CNTNAP2: variants seen among roughly 807,000 people sequenced by gnomAD.
CNTNAP2 encodes contactin associated protein 2.
CNTNAP2 carries 98 observed loss-of-function variants against 155.2 expected under a neutral mutation model. The observed-to-expected ratio is 0.63, with a 90% CI of 0.54 to 0.75. CNTNAP2 has a LOEUF of 0.75. CNTNAP2 is among the 30% of genes least tolerant of loss of function. The pLI is 0.00. For synonymous variants in CNTNAP2, 651 were observed against 631.2 expected, an observed-to-expected ratio of 1.03 and a Z score of -0.47; for missense variants, 1,727 against 1,688.1, an observed-to-expected ratio of 1.02 and a Z score of -0.40.
At chr7:148,156,126 G>T (rs1805393496) in intron 17 of CNTNAP2, among the ~76,000 whole-genome samples, 1 of 152,238 alleles carries the variant, frequency 6.6e-6, no homozygotes, top group Middle Eastern at 3.2e-3. Flanking sequence ...CCTGCAGAGG[G>T]CCACTGTCAA....
intron 11 of CNTNAP2, among the ~76,000 whole-genome samples, chr7:147,543,908 C>T (rs1408114070): frequency 6.6e-6 from 1 of 152,094 alleles, no homozygotes; most frequent in Non-Finnish European, 1.5e-5. Context: ...GTTCAATTCA[C>T]CATATCTTTT....
intron 1 of CNTNAP2, among the ~76,000 whole-genome samples, chr7:146,615,762 G>A (rs1377665816): frequency 6.6e-6 from 1 of 152,134 alleles, no homozygotes; most frequent in African/African-American, 2.4e-5. Flanking sequence ...TTCCTTGGTG[G>A]GGAGAAACCT....
intron 9 of CNTNAP2, among the ~76,000 whole-genome samples, chr7:147,348,087 C>T (rs1451370170): frequency 2.0e-5 from 3 of 151,844 alleles, no homozygotes; most frequent in Non-Finnish European, 4.4e-5. Context: ...GAAGACATAG[C>T]GGAAATGCTT....
At chr7:146,848,416 A>G (rs1377016561) in intron 3 of CNTNAP2, among the ~76,000 whole-genome samples, 3 of 152,368 alleles carry the variant, frequency 2.0e-5, no homozygotes, top group East Asian at 3.9e-4. Context: ...AGGGATAAAC[A>G]GACCAAAACA....
intron 11 of CNTNAP2, among the ~76,000 whole-genome samples, chr7:147,513,119 G>A (rs1358124508): frequency 1.3e-5 from 2 of 152,004 alleles, no homozygotes; most frequent in Non-Finnish European, 2.9e-5. Context: ...TTAATAAATT[G>A]TTTCAGTTGA....
intron 9 of CNTNAP2, among the ~76,000 whole-genome samples, chr7:147,307,494 G>T (rs529493806): frequency 5.6e-4 from 85 of 152,256 alleles, no homozygotes; most frequent in Non-Finnish European, 1.0e-3. Context: ...TGAGGCATGA[G>T]AATTGCTTGA....
intron 16 of CNTNAP2, among the ~76,000 whole-genome samples, chr7:148,119,847 T>C (rs1585136082): frequency 1.3e-5 from 2 of 152,052 alleles, no homozygotes; most frequent in South Asian, 2.1e-4. Flanking sequence ...AGGATGCCCA[T>C]GGCAGATCTG....
chr7:146,880,269 G>T (rs1011321628), intron 3 of CNTNAP2, among the ~76,000 whole-genome samples: 7 of 151,978 alleles, frequency 4.6e-5, no homozygotes, highest in Admixed American at 3.9e-4. Flanking sequence ...TGGAGCCTTC[G>T]TGATGGGATT....
At chr7:146,822,023 G>A (rs1459520331) in intron 2 of CNTNAP2, among the ~76,000 whole-genome samples, 2 of 151,870 alleles carry the variant, frequency 1.3e-5, no homozygotes, top group Non-Finnish European at 2.9e-5. Context: ...ACATGCACAC[G>A]TATGTTTATT....
At chr7:146,770,993 G>A (rs1482850761) in intron 1 of CNTNAP2, among the ~76,000 whole-genome samples, 1 of 152,066 alleles carries the variant, frequency 6.6e-6, no homozygotes, top group Non-Finnish European at 1.5e-5. Context: ...TGATCCTGCA[G>A]ATTTATAACG....
chr7:146,392,773 G>A (rs778564971), intron 1 of CNTNAP2, among the ~76,000 whole-genome samples: 1 of 152,082 alleles, frequency 6.6e-6, no homozygotes, highest in Non-Finnish European at 1.5e-5. Flanking sequence ...GAAGGAATGA[G>A]TTTGGGAAGC....
At chr7:147,939,273 G>T (rs993299910) in intron 14 of CNTNAP2, among the ~76,000 whole-genome samples, 1 of 151,984 alleles carries the variant, frequency 6.6e-6, no homozygotes, top group Admixed American at 6.6e-5. Flanking sequence ...AATCTATGAG[G>T]TAAGAAGAAA....
chr7:147,360,003 C>A (rs1033400822), intron 9 of CNTNAP2, among the ~76,000 whole-genome samples: 1 of 151,962 alleles, frequency 6.6e-6, no homozygotes, highest in African/African-American at 2.4e-5. Flanking sequence ...TTTTTAACTG[C>A]CACATCTTTG....
chr7:146,344,241 T>A (rs576094652), intron 1 of CNTNAP2, among the ~76,000 whole-genome samples: 3 of 152,286 alleles, frequency 2.0e-5, no homozygotes, highest in Middle Eastern at 6.8e-3. Context: ...CTCTAAACTA[T>A]CTTTACTAGA....
chr7:146,964,506 CA>C (rs924490016), intron 3 of CNTNAP2, among the ~76,000 whole-genome samples: 1 of 152,106 alleles, frequency 6.6e-6, no homozygotes, highest in Admixed American at 6.6e-5. Context: ...GGATATCTTC[CA>C]GCACTAAAAC....
chr7:147,519,477 C>A (rs1799193477), intron 11 of CNTNAP2, among the ~76,000 whole-genome samples: 1 of 152,184 alleles, frequency 6.6e-6, no homozygotes. Context: ...AGTAATTTAT[C>A]CACAGGTTTA....
At chr7:146,881,292 A>G (rs1795545474) in intron 3 of CNTNAP2, among the ~76,000 whole-genome samples, 2 of 152,142 alleles carry the variant, frequency 1.3e-5, no homozygotes, top group African/African-American at 2.4e-5. Context: ...TTCATGTTTT[A>G]TTTGTAAAAG....
At chr7:146,780,323 C>A (rs1165579777) in intron 2 of CNTNAP2, among the ~76,000 whole-genome samples, 1 of 151,976 alleles carries the variant, frequency 6.6e-6, no homozygotes, top group Non-Finnish European at 1.5e-5. Context: ...GTAGCTGGGA[C>A]TGCAGGCGCC....
chr7:147,156,303 A>C (rs1801925802), intron 8 of CNTNAP2, among the ~76,000 whole-genome samples: 1 of 152,192 alleles, frequency 6.6e-6, no homozygotes. Flanking sequence ...TTGATGACCC[A>C]AAAAAGATTT....
Sources: gnomAD v4.1 joint callset for allele counts (sites outside exome capture counted in the v4.1 genomes callset) on GRCh38, gnomAD v4.1.1 for gene constraint, MANE v1.5 for transcripts, NCBI Gene and HGNC (gene_info 2026-07-23, HGNC 2026-07-21) for gene names.